Variants in SAMD12 observed in about 807,000 individuals in gnomAD.
SAMD12 encodes the protein sterile alpha motif domain containing 12.
In SAMD12, 9 loss-of-function variants were observed where a neutral mutation model predicts 15.0. The ratio of observed to expected loss-of-function variants is 0.60; its 90% confidence interval spans 0.36 to 1.05. The LOEUF (loss-of-function observed/expected upper bound fraction) is 1.05. Ranked by LOEUF, SAMD12 falls within the 50% of genes least tolerant of loss-of-function variation. SAMD12 has a pLI of 0.01. For synonymous variants in SAMD12, 86 were observed against 90.1 expected (o/e 0.96, Z 0.25); for missense variants, 230 against 234.2 (o/e 0.98, Z 0.12).
At chr8:118,514,367 C>A (rs1311237525) in intron 2 of SAMD12, among the ~76,000 whole-genome samples, 2 of 152,158 alleles carry the variant, frequency 1.3e-5, no homozygotes, top group Non-Finnish European at 2.9e-5. Flanking sequence ...ACAGCAGGCT[C>A]TGGAGAAGGC....
At chr8:118,338,171 T>C (rs1298415030) in intron 4 of SAMD12, among the ~76,000 whole-genome samples, 1 of 152,220 alleles carries the variant, frequency 6.6e-6, no homozygotes, top group African/African-American at 2.4e-5. Context: ...CAGCTAAGCG[T>C]AATGTATAAC....
rs59610569 is a variant in SAMD12 at position 118,409,900 on chromosome 8, C to T, written c.322+29932G>A. On this transcript the variant is annotated intron_variant, in intron 3 of 3. Coordinates refer to ENST00000314727, the MANE Select transcript of SAMD12 (RefSeq NM_207506.3). ...ATGTTCCACTCTTTAAGAAGATGGC[C>T]TCTGCATTCAAAATTATCAAGAAAG... Among the ~76,000 whole-genome samples the T allele has an allele frequency of 2.4e-3, 366 of 151,942 alleles. 3 individuals are homozygous for T. Among genetic ancestry groups the T allele is most frequent in the African/African-American group, 8.6e-3 (358 of 41,478 alleles).
the SAMD12 span, among the ~76,000 whole-genome samples, chr8:118,171,796 C>A: frequency 1.3e-5 from 2 of 150,288 alleles, no homozygotes; most frequent in Non-Finnish European, 2.9e-5. Flanking sequence ...GATTGCTTGG[C>A]CCCTTGAATA....
chr8:118,345,979 C>A (rs1390071991), intron 4 of SAMD12, among the ~76,000 whole-genome samples: 1 of 152,178 alleles, frequency 6.6e-6, no homozygotes, highest in African/African-American at 2.4e-5. Context: ...GGGCTAACCA[C>A]CGTCTCCATT....
chr8:118,143,981 G>A, the SAMD12 span, among the ~76,000 whole-genome samples: 2 of 152,158 alleles, frequency 1.3e-5, no homozygotes, highest in Non-Finnish European at 2.9e-5. Flanking sequence ...AAGTAAAGGT[G>A]TTGGCGGGGC....
intron 2 of SAMD12, among the ~76,000 whole-genome samples, chr8:118,540,661 C>G (rs1260149210): frequency 6.6e-6 from 1 of 151,678 alleles, no homozygotes; most frequent in African/African-American, 2.4e-5. Context: ...CATAAAGGGG[C>G]CTTTCTGCTC....
At chr8:118,604,603 T>A (rs2077656557) in intron 1 of SAMD12, among the ~76,000 whole-genome samples, 1 of 152,138 alleles carries the variant, frequency 6.6e-6, no homozygotes, top group Non-Finnish European at 1.5e-5. Flanking sequence ...AAAACCTTGT[T>A]AAAATAATAT....
chr8:118,234,710 CAAAAAA>C (rs10647591), intron 4 of SAMD12, among the ~76,000 whole-genome samples: 1 of 105,634 alleles, frequency 9.5e-6, no homozygotes, highest in Admixed American at 1.1e-4. Flanking sequence ...GACTCCATCT[CAAAAAA>C]AAAAAAAAAA....
intron 4 of SAMD12, among the ~76,000 whole-genome samples, chr8:118,314,781 TCCTTACACCCACTGAAGGATAA>T (rs1233832473): frequency 1.3e-5 from 2 of 152,176 alleles, no homozygotes; most frequent in African/African-American, 2.4e-5. Flanking sequence ...CCACTGTACA[TCCTTACACCCACTGAAGGATAA>T]CCTTACACCC....
chr8:118,335,923 C>T (rs988116099), intron 4 of SAMD12, among the ~76,000 whole-genome samples: 3 of 152,018 alleles, frequency 2.0e-5, no homozygotes, highest in Admixed American at 1.3e-4. Flanking sequence ...TTTATAAAGA[C>T]GGGGTTGCCC....
At chr8:118,597,422 G>T (rs1827751282) in intron 1 of SAMD12, among the ~76,000 whole-genome samples, 1 of 152,236 alleles carries the variant, frequency 6.6e-6, no homozygotes, top group Non-Finnish European at 1.5e-5. Context: ...GGTAATGTCA[G>T]TGAGGATTTA....
In SAMD12 at chr8:118,439,952, C is replaced by A. The variant is rs889102677; in HGVS notation, c.202G>T (p.Val68Leu). The A allele has an allele frequency of 6.2e-7, 1 of 1,613,498 alleles. No individual in the cohort carries two copies. Among genetic ancestry groups the A allele is most frequent in the African/African-American group, 1.3e-5 (1 of 74,920 alleles). Residue 68 changes from valine to leucine, a missense_variant, in exon 3 of 4, where the codon GTG becomes TTG. By Grantham distance (32) the Val-to-Leu change is conservative (BLOSUM62 1). Transcript: ENST00000314727. The stretch of plus-strand genomic sequence containing the variant: ...AGAGCCACCGGTTTAGATAGCTTCA[C>A]CGTAGCTGACTATAAATAAAGAAGG... ...AEAETAKSAT[V>L]KLSKPVALWT...
intron 4 of SAMD12, among the ~76,000 whole-genome samples, chr8:118,343,086 TG>T (rs1204356300): frequency 6.6e-5 from 10 of 152,096 alleles, no homozygotes; most frequent in Non-Finnish European, 1.0e-4. Context: ...TTTCCTCATC[TG>T]TAAGATGAGA....
intron 4 of SAMD12, among the ~76,000 whole-genome samples, chr8:118,328,433 G>C (rs1265770070): frequency 6.6e-6 from 1 of 151,986 alleles, no homozygotes; most frequent in Non-Finnish European, 1.5e-5. Flanking sequence ...GGTAATCTAG[G>C]TTCCCCCCTT....
At chr8:118,358,118 C>G (rs1423891299) in intron 4 of SAMD12, among the ~76,000 whole-genome samples, 4 of 152,108 alleles carry the variant, frequency 2.6e-5, no homozygotes, top group Admixed American at 6.5e-5. Context: ...GCACTCCAGC[C>G]TGGGCAGTGG....
chr8:118,489,179 T>C (rs1824368041), intron 2 of SAMD12, among the ~76,000 whole-genome samples: 1 of 152,188 alleles, frequency 6.6e-6, no homozygotes, highest in South Asian at 2.1e-4. Flanking sequence ...TGACTATTCT[T>C]AATTGGGGGG....
At chr8:118,377,441 C>A (rs961699579), downstream of SAMD12, among the ~76,000 whole-genome samples, 1 of 151,864 alleles carries the variant, frequency 6.6e-6, no homozygotes, top group Admixed American at 6.6e-5. Context: ...AAAGAACAAG[C>A]AATAAAAAAG....
At chr8:118,219,465 C>A (rs1236134902) in intron 4 of SAMD12, among the ~76,000 whole-genome samples, 1 of 152,062 alleles carries the variant, frequency 6.6e-6, no homozygotes, top group Admixed American at 6.6e-5. Flanking sequence ...TTACGAACAC[C>A]CTTGGGTGGA....
chr8:118,535,113 C>T (rs1170580631), intron 2 of SAMD12, among the ~76,000 whole-genome samples: 2 of 152,194 alleles, frequency 1.3e-5, no homozygotes, highest in African/African-American at 4.8e-5. Context: ...TGATGAGGTA[C>T]AGATGGGGTT....
Sources: allele counts gnomAD v4.1 joint callset (sites outside exome capture counted in the v4.1 genomes callset), GRCh38; gene constraint gnomAD v4.1.1; transcripts MANE v1.5; gene names NCBI Gene and HGNC (gene_info 2026-07-23, HGNC 2026-07-21).